CNTN5: variants seen among roughly 807,000 people sequenced by gnomAD.
The protein encoded by CNTN5 is contactin-5.
Under a neutral mutation model 129.1 loss-of-function variants are expected in CNTN5, and 77 were observed. The observed-to-expected ratio is 0.60, with a 90% CI of 0.50 to 0.72. The LOEUF (loss-of-function observed/expected upper bound fraction) is 0.72. CNTN5 is among the 30% of genes least tolerant of loss of function. The pLI is 0.00. For synonymous variants in CNTN5, 509 were observed against 465.6 expected, an observed-to-expected ratio of 1.09 and a Z score of -1.20; for missense variants, 1,478 against 1,328.8, an observed-to-expected ratio of 1.11 and a Z score of -1.75.
At chr11:99,046,487 A>G (rs1167127073) in intron 1 of CNTN5, among the ~76,000 whole-genome samples, 2 of 152,188 alleles carry the variant, frequency 1.3e-5, no homozygotes, top group Non-Finnish European at 2.9e-5. Context: ...AAAAATATAT[A>G]GTATTTATAG....
intron 1 of CNTN5, among the ~76,000 whole-genome samples, chr11:99,022,355 A>T (rs1862911695): frequency 6.6e-6 from 1 of 152,168 alleles, no homozygotes; most frequent in South Asian, 2.1e-4. Context: ...AGTACTTATG[A>T]CCATTACAGG....
At chr11:99,277,957 T>A (rs1397601564) in intron 1 of CNTN5, among the ~76,000 whole-genome samples, 1 of 151,732 alleles carries the variant, frequency 6.6e-6, no homozygotes, top group East Asian at 1.9e-4. Flanking sequence ...GAGGAAGTTC[T>A]GATTATTGAG....
At chr11:100,336,749 G>C (rs1475119492) in intron 21 of CNTN5, 1 of 232,724 alleles carries the variant, frequency 4.3e-6, no homozygotes, top group Non-Finnish European at 8.5e-6. Context: ...ATCACTAAAG[G>C]AGAGAAAAGT....
chr11:100,144,479 T>G (rs983968404), intron 13 of CNTN5, among the ~76,000 whole-genome samples: 1 of 152,158 alleles, frequency 6.6e-6, no homozygotes, highest in Non-Finnish European at 1.5e-5. Context: ...TATTTGATTT[T>G]CTAGATTAAA....
At chr11:99,130,173 T>C (rs1338379798) in intron 1 of CNTN5, among the ~76,000 whole-genome samples, 4 of 152,102 alleles carry the variant, frequency 2.6e-5, no homozygotes, top group African/African-American at 9.7e-5. Flanking sequence ...AACGGCAAGC[T>C]GGATAAAAAG....
chr11:99,602,470 G>C (rs1380315392), intron 3 of CNTN5, among the ~76,000 whole-genome samples: 1 of 151,958 alleles, frequency 6.6e-6, no homozygotes, highest in Non-Finnish European at 1.5e-5. Context: ...GGAGCAAAAG[G>C]TTCATTGACA....
Position 100,356,404 on chromosome 11 carries a change from T to C in CNTN5, c.*184T>C. ...CTTATCCATCAGGTTTCTCTTTGGTTTTTGTAAACGGAGAGGACAGTTCTT... is the reference window on the plus strand; with the variant it reads ...CTTATCCATCAGGTTTCTCTTTGGTCTTTGTAAACGGAGAGGACAGTTCTT... On this transcript the variant is annotated 3_prime_UTR_variant, in exon 25 of 25. Coordinates refer to ENST00000524871, the MANE Select transcript of CNTN5 (RefSeq NM_014361.4). The C allele has an allele frequency of 1.7e-6, 1 of 594,042 alleles. No individual in the cohort carries two copies. Among genetic ancestry groups the C allele is most frequent in the Non-Finnish European group, 3.0e-6 (1 of 332,854 alleles). The allele number at this position is 594,042 out of a possible 1,614,324, so 36.8% of individuals were successfully genotyped here.
At chr11:99,304,821 C>A (rs1260339411) in intron 1 of CNTN5, among the ~76,000 whole-genome samples, 1 of 152,144 alleles carries the variant, frequency 6.6e-6, no homozygotes, top group Non-Finnish European at 1.5e-5. Context: ...GTTCACAAGG[C>A]CTTTGCCCAC....
chr11:99,345,615 A>C (rs1189052066), intron 2 of CNTN5, among the ~76,000 whole-genome samples: 1 of 152,220 alleles, frequency 6.6e-6, no homozygotes, highest in African/African-American at 2.4e-5. Flanking sequence ...GCTCAAGATC[A>C]AGATTTGATC....
At chr11:100,350,456 G>T (rs1952382054) in intron 23 of CNTN5, among the ~76,000 whole-genome samples, 1 of 151,628 alleles carries the variant, frequency 6.6e-6, no homozygotes, top group Non-Finnish European at 1.5e-5. Flanking sequence ...TAAGTATGTA[G>T]TTCAGACATC....
chr11:100,329,857 A>G (rs1384125531), intron 21 of CNTN5, among the ~76,000 whole-genome samples: 2 of 152,222 alleles, frequency 1.3e-5, no homozygotes, highest in Non-Finnish European at 2.9e-5. Flanking sequence ...TCCCTCTAAC[A>G]TAGTCTACCC....
At chr11:99,396,299 G>A (rs374942445) in intron 2 of CNTN5, among the ~76,000 whole-genome samples, 2 of 151,600 alleles carry the variant, frequency 1.3e-5, no homozygotes, top group East Asian at 1.9e-4. Flanking sequence ...AAAACTTAAG[G>A]AGGAAATAAA....
At chr11:99,684,461 C>T (rs1953698327) in intron 3 of CNTN5, among the ~76,000 whole-genome samples, 1 of 151,130 alleles carries the variant, frequency 6.6e-6, no homozygotes, top group Non-Finnish European at 1.5e-5. Flanking sequence ...ACTTTGTGTG[C>T]ATTCATTCAT....
At chr11:99,763,979 T>C (rs1055001585) in intron 3 of CNTN5, among the ~76,000 whole-genome samples, 1 of 152,114 alleles carries the variant, frequency 6.6e-6, no homozygotes, top group African/African-American at 2.4e-5. Context: ...TTATTGTGGA[T>C]TTCAAATAAC....
At chr11:99,859,801 A>C (rs146756516) in intron 6 of CNTN5, among the ~76,000 whole-genome samples, 209 of 152,274 alleles carry the variant, frequency 1.4e-3, no homozygotes, top group African/African-American at 4.8e-3. Context: ...ATAGTGCTTC[A>C]GTGAACATGT....
intron 6 of CNTN5, among the ~76,000 whole-genome samples, chr11:99,898,402 C>G (rs1173118419): frequency 6.6e-6 from 1 of 151,648 alleles, no homozygotes; most frequent in African/African-American, 2.4e-5. Context: ...ACCAGAAAAA[C>G]AAAAAAAGAT....
intron 6 of CNTN5, among the ~76,000 whole-genome samples, chr11:99,901,767 A>G (rs1949363678): frequency 6.6e-6 from 1 of 152,194 alleles, no homozygotes; most frequent in African/African-American, 2.4e-5. Flanking sequence ...TGTGAATTAA[A>G]AAAGAAAACT....
intron 1 of CNTN5, among the ~76,000 whole-genome samples, chr11:99,200,045 C>A (rs1317707565): frequency 6.6e-6 from 1 of 152,032 alleles, no homozygotes; most frequent in African/African-American, 2.4e-5. Flanking sequence ...TATTGCTTCC[C>A]AATACTATAC....
intron 1 of CNTN5, among the ~76,000 whole-genome samples, chr11:99,193,220 A>C (rs939402833): frequency 6.6e-6 from 1 of 152,114 alleles, no homozygotes; most frequent in African/African-American, 2.4e-5. Context: ...CACTATAAAA[A>C]TGAAATTTTG....
Sources: allele counts gnomAD v4.1 joint callset (sites outside exome capture counted in the v4.1 genomes callset), GRCh38; gene constraint gnomAD v4.1.1; transcripts MANE v1.5; gene names NCBI Gene and HGNC (gene_info 2026-07-23, HGNC 2026-07-21).